The following NYAP1 variants were observed in gnomAD, a reference collection of about 807,000 sequenced individuals.
NYAP1 encodes the protein neuronal tyrosine phosphorylated phosphoinositide-3-kinase adaptor 1, also known as neuronal tyrosine-phosphorylated phosphoinositide-3-kinase adapter 1.
In NYAP1, 20 loss-of-function variants were observed where a neutral mutation model predicts 58.6. The observed-to-expected ratio is 0.34, with a 90% CI of 0.24 to 0.50. NYAP1 has a LOEUF of 0.50. Among genes scored for constraint, NYAP1 ranks in the 20% least tolerant of loss-of-function variants. NYAP1 has a pLI of 0.98. For missense variants in NYAP1, 1,150 were observed against 1,194.5 expected (o/e 0.96, Z 0.55); for synonymous variants, 572 against 523.1 (o/e 1.09, Z -1.27).
Position 100,490,757 on chromosome 7 carries a change from C to G in NYAP1, c.2158+28C>G. The G allele has an allele frequency of 6.8e-7, 1 of 1,462,624 alleles. No individual in the cohort carries two copies. The highest frequency in any genetic ancestry group is 9.1e-7 in the Non-Finnish European group (1 of 1,099,778). The allele number at this position is 1,462,624 out of a possible 1,614,324, so 90.6% of individuals were successfully genotyped here. A position where few individuals can be genotyped will look rare whatever the true frequency, so the allele number is the denominator to read the frequency against. On this transcript the variant is annotated intron_variant, in intron 5 of 6. Transcript: ENST00000300179. The surrounding 1 kb of genome is among the most constrained non-coding windows in gnomAD (Gnocchi z 4.6). The stretch of plus-strand genomic sequence containing the variant: ...GACGCGGCCTGCACACACCTGTGCA[C>G]AGCGGGGCTGGCTGGGGGATCTCCC...
Position 100,488,055 on chromosome 7 carries a change from T to G in NYAP1, c.431-97T>G, listed in dbSNP as rs1481942851. ...TGTGGGGAAAAGGAAGAGGCAGATA[T>G]GTCCTTGCAGAAGGGTCAAGGGATC... On this transcript the variant is annotated intron_variant, in intron 3 of 6. Coordinates refer to ENST00000300179, the MANE Select transcript of NYAP1 (RefSeq NM_173564.4). The surrounding 1 kb of genome is among the most constrained non-coding windows in gnomAD (Gnocchi z 5.9). 1 of 824,056 alleles carries G rather than the reference T, an allele frequency of 1.2e-6. No homozygotes were observed. Among genetic ancestry groups the G allele is most frequent in the African/African-American group, 1.7e-5 (1 of 57,950 alleles). 51.0% of individuals were successfully genotyped at this position (824,056 alleles called of 1,614,324 possible).
rs1799833774 is a variant in NYAP1 at position 100,493,881 on chromosome 7, TCCTCTGGGACACCGC to T, written c.2506_2520del (p.Leu836_Ala840del). 1 of 1,492,166 alleles carries T rather than the reference TCCTCTGGGACACCGC, an allele frequency of 6.7e-7. No homozygotes were observed. Among genetic ancestry groups the T allele is most frequent in the Admixed American group, 2.2e-5 (1 of 45,338 alleles). The allele number at this position is 1,492,166 out of a possible 1,614,324, so 92.4% of individuals were successfully genotyped here. Reference sequence around the variant, plus strand: ...CCGCCCTGCCGCCGGCAGCACACGGTCCTCTGGGACACCGCCATCTGAGGCGGGCGGGGGGGTACC... The same window carrying T: ...CCGCCCTGCCGCCGGCAGCACACGGTCATCTGAGGCGGGCGGGGGGGTACC... On this transcript the variant is annotated inframe_deletion, in exon 7 of 7. Transcript: ENST00000300179.
Position 100,490,943 on chromosome 7 carries a change from C to A in NYAP1, c.2159-43C>A. 3 of 1,305,400 alleles carry A rather than the reference C, an allele frequency of 2.3e-6. No homozygotes were observed. The highest frequency in any genetic ancestry group is 3.2e-6 in the Non-Finnish European group (3 of 933,824). 80.9% of individuals were successfully genotyped at this position (1,305,400 alleles called of 1,614,324 possible). The stretch of plus-strand genomic sequence containing the variant: ...GGGACTGGGAACTAGGGGAGGGGTA[C>A]CTGAGGCCCCTGCACTCCTCACTCC... On this transcript the variant is annotated intron_variant, in intron 5 of 6. Transcript: ENST00000300179. This position sits in a 1 kb window ranked among gnomAD's most constrained non-coding sequence, Gnocchi z 4.6.
rs776883216 is a variant in NYAP1, at chr7:100,488,148, C to T, written c.431-4C>T. 1.9e-6 allele frequency: 3 copies of T among 1,581,378 alleles called. No homozygotes were observed. Among genetic ancestry groups the T allele is most frequent in the African/African-American group, 1.4e-5 (1 of 73,166 alleles). ...TTTATTTTTCTCTTTCTTGTCCTGT[C>T]CAGGCTCACAGAAGCCAACCCCAGA... is the stretch of plus-strand genomic sequence containing the variant. On this transcript the variant is annotated splice_region_variant and splice_polypyrimidine_tract_variant and intron_variant, in intron 3 of 6. Coordinates refer to ENST00000300179, the MANE Select transcript of NYAP1 (RefSeq NM_173564.4). The surrounding 1 kb of genome is among the most constrained non-coding windows in gnomAD (Gnocchi z 5.9).
rs563441494 is a variant in NYAP1, at chr7:100,487,511, T to C, written c.430+329T>C. Among the ~76,000 whole-genome samples the C allele has an allele frequency of 6.6e-6, 1 of 152,272 alleles. No individual in the cohort carries two copies. Among genetic ancestry groups the C allele is most frequent in the South Asian group, 2.1e-4 (1 of 4,828 alleles). On this transcript the variant is annotated intron_variant, in intron 3 of 6. Transcript: ENST00000300179. This position sits in a 1 kb window ranked among gnomAD's most constrained non-coding sequence, Gnocchi z 4.1. The stretch of plus-strand genomic sequence containing the variant: ...CTCACGCCCGTAATCTCAGCACTTT[T>C]TTTTTTTTGAGACAGAGTCTCGCTC...
In NYAP1 at chr7:100,489,680, G is replaced by A; in HGVS notation, c.1945+14G>A. 1 of 1,480,766 alleles carries A rather than the reference G, an allele frequency of 6.8e-7. No individual in the cohort carries two copies. The highest frequency in any genetic ancestry group is 9.0e-7 in the Non-Finnish European group (1 of 1,105,500). 91.7% of individuals were successfully genotyped at this position (1,480,766 alleles called of 1,614,324 possible). On this transcript the variant is annotated intron_variant, in intron 4 of 6. Transcript: ENST00000300179. Reference sequence around the variant, plus strand: ...AGGAGTTGGACAGTGAGTGAGGGGTGGGGAGTGGGGGCTGGCATCAGGGGT... The same window carrying A: ...AGGAGTTGGACAGTGAGTGAGGGGTAGGGAGTGGGGGCTGGCATCAGGGGT...
rs558145623 is a variant in NYAP1, at chr7:100,488,512, T to C, written c.791T>C (p.Met264Thr). 1.2e-6 allele frequency: 2 copies of C among 1,611,604 alleles called. No homozygotes were observed. The highest frequency in any genetic ancestry group is 1.7e-6 in the Non-Finnish European group (2 of 1,179,666). The change falls in exon 4 of 7, where the codon ATG becomes ACG. Residue 264 changes from methionine (M) to threonine (T), a missense_variant. Met to Thr is a moderately conservative substitution (Grantham distance 81). Transcript: ENST00000300179. The surrounding 1 kb of genome is among the most constrained non-coding windows in gnomAD (Gnocchi z 5.9). ...GAGAGTGAGGCCATCTATGAAGAGA[T>C]GAAGTACCCGCTGCCGGAAGAGGCT... ...SEESEAIYEE[M>T]KYPLPEEAGE...
chr7:100,491,043 T>G lies in NYAP1; in HGVS notation c.2216T>G (p.Val739Gly), dbSNP rs1438790498. 1 of 1,559,818 alleles carries G rather than the reference T, an allele frequency of 6.4e-7. No individual in the cohort carries two copies. Among genetic ancestry groups the G allele is most frequent in the Non-Finnish European group, 8.7e-7 (1 of 1,151,764 alleles). The change falls in exon 6 of 7, where the codon GTC (valine) becomes GGC (glycine). Residue 739 changes from valine to glycine, a missense_variant. Val to Gly is a moderately radical substitution (Grantham distance 109, BLOSUM62 -3). Transcript: ENST00000300179. Reference protein sequence around the residue: ...RSASTSGVRQVVLHTPRPCSQ... With the variant: ...RSASTSGVRQGVLHTPRPCSQ... ...GCCTCCACCTCCGGAGTCCGGCAGG[T>G]CGTGCTCCACACACCCCGGCCCTGC...
At position 100,494,044 on chromosome 7, in the gene NYAP1, C is replaced by G; in HGVS notation, c.*141C>G. On this transcript the variant is annotated 3_prime_UTR_variant, in exon 7 of 7. Transcript: ENST00000300179. ...AACCCCTGCCCTCCAACCTACCCCC[C>G]GGGATGGGGAGAGTCTGCCAGGCCC... The G allele has an allele frequency of 1.4e-6, 1 of 729,186 alleles. No homozygotes were observed. Among genetic ancestry groups the G allele is most frequent in the Non-Finnish European group, 2.1e-6 (1 of 482,952 alleles). The allele number at this position is 729,186 out of a possible 1,614,324, so 45.2% of individuals were successfully genotyped here.
At position 100,488,884 on chromosome 7, in the gene NYAP1, C is replaced by T; in HGVS notation, c.1163C>T (p.Pro388Leu). The stretch of plus-strand genomic sequence containing the variant: ...CGGGAGACGCCTCCCCCACCGCCTC[C>T]ACCTCCTGCTGCCAACCTGCTGCTG... Reference protein sequence around the residue: ...RERETPPPPPPPPAANLLLLG... With the variant: ...RERETPPPPPLPPAANLLLLG... The change falls in exon 4 of 7, where the codon CCA (proline) becomes CTA (leucine). Residue 388 changes from proline to leucine, a missense_variant. Physicochemically the swap from Pro to Leu is moderately conservative, Grantham distance 98 (BLOSUM62 -3). Transcript: ENST00000300179. The surrounding 1 kb of genome is among the most constrained non-coding windows in gnomAD (Gnocchi z 5.9). The T allele has an allele frequency of 2.5e-6, 4 of 1,598,940 alleles. No individual in the cohort carries two copies. The highest frequency in any genetic ancestry group is 3.4e-6 in the Non-Finnish European group (4 of 1,175,240).
intron 4 of NYAP1, among the ~76,000 whole-genome samples, 177 bp downstream of exon 4, chr7:100,489,843 C>G (rs1200939047): frequency 6.6e-5 from 10 of 152,002 alleles, no homozygotes; most frequent in African/African-American, 2.4e-4. Flanking sequence ...GACCGGGGTC[C>G]CCCAGTGTGC....
In NYAP1 at chr7:100,485,408, C is replaced by T. The variant is rs1404650476; in HGVS notation, c.68+29C>T. The T allele has an allele frequency of 6.5e-7, 1 of 1,535,466 alleles. No homozygotes were observed. The highest frequency in any genetic ancestry group is 8.9e-7 in the Non-Finnish European group (1 of 1,124,680). On this transcript the variant is annotated intron_variant, in intron 2 of 6. Coordinates refer to ENST00000300179, the MANE Select transcript of NYAP1 (RefSeq NM_173564.4). This position sits in a 1 kb window ranked among gnomAD's most constrained non-coding sequence, Gnocchi z 5.7. ...AGGCTGCACCCCAGACTGCTCCCTT[C>T]CCTTCCGCACCTCTGCCTGCCCCCT...
chr7:100,485,291 C>CCCCACCT lies in NYAP1; in HGVS notation c.-18_-12dup. ...GTGGCACTGAGCAGGGCCCCCCAGC[C>CCCCACCT]CCCACCTCCTGCCCCACGAGATGAA... On this transcript the variant is annotated 5_prime_UTR_variant, in exon 2 of 7. Coordinates refer to ENST00000300179, the MANE Select transcript of NYAP1 (RefSeq NM_173564.4). This position sits in a 1 kb window ranked among gnomAD's most constrained non-coding sequence, Gnocchi z 5.7. 2.6e-6 allele frequency: 4 copies of CCCCACCT among 1,565,048 alleles called. No homozygotes were observed. Among genetic ancestry groups the CCCCACCT allele is most frequent in the Non-Finnish European group, 3.5e-6 (4 of 1,149,748 alleles).
At position 100,487,909 on chromosome 7, in the gene NYAP1, G is replaced by A. The variant is rs1276611201; in HGVS notation, c.431-243G>A. Among the ~76,000 whole-genome samples, 2 of 152,196 alleles carry A rather than the reference G, an allele frequency of 1.3e-5. No homozygotes were observed. The highest frequency in any genetic ancestry group is 2.4e-5 in the African/African-American group (1 of 41,450). ...TGGAATCCTAGCACTTTAGGAGGCCGAGGCAGGAGGATCCCTTGAGCCCAG... is the reference window on the plus strand; with the variant it reads ...TGGAATCCTAGCACTTTAGGAGGCCAAGGCAGGAGGATCCCTTGAGCCCAG... On this transcript the variant is annotated intron_variant, in intron 3 of 6. Transcript: ENST00000300179. The surrounding 1 kb of genome is among the most constrained non-coding windows in gnomAD (Gnocchi z 4.1).
Position 100,489,395 on chromosome 7 carries a change from C to A in NYAP1, c.1674C>A (p.Leu558=). The change falls in exon 4 of 7, where the codon CTC becomes CTA. Residue 558 remains leucine, a synonymous_variant. Coordinates refer to ENST00000300179, the MANE Select transcript of NYAP1 (RefSeq NM_173564.4). ...LWTYPATAAG[L]KRPPAYESLK... ...CCTACCCAGCCACAGCAGCTGGGCTCAAGAGACCCCCTGCCTATGAGAGCC... is the reference window on the plus strand; with the variant it reads ...CCTACCCAGCCACAGCAGCTGGGCTAAAGAGACCCCCTGCCTATGAGAGCC... The A allele has an allele frequency of 6.2e-7, 1 of 1,612,958 alleles. No homozygotes were observed. Among genetic ancestry groups the A allele is most frequent in the Non-Finnish European group, 8.5e-7 (1 of 1,179,964 alleles).
chr7:100,488,898 A>C lies in NYAP1; in HGVS notation c.1177A>C (p.Asn393His). Residue 393 changes from asparagine (N) to histidine (H), a missense_variant, in exon 4 of 7, where the codon AAC (asparagine) becomes CAC (histidine). By Grantham distance (68) the Asn-to-His change is moderately conservative. Coordinates refer to ENST00000300179, the MANE Select transcript of NYAP1 (RefSeq NM_173564.4). The surrounding 1 kb of genome is among the most constrained non-coding windows in gnomAD (Gnocchi z 5.9). Reference protein sequence around the residue: ...PPPPPPPPAANLLLLGPSGRA... With the variant: ...PPPPPPPPAAHLLLLGPSGRA... ...CCCACCGCCTCCACCTCCTGCTGCC[A>C]ACCTGCTGCTGCTGGGACCATCGGG... 6.3e-7 allele frequency: 1 copy of C among 1,598,156 alleles called. No homozygotes were observed.
At position 100,493,814 on chromosome 7, in the gene NYAP1, C is replaced by G; in HGVS notation, c.2437C>G (p.Pro813Ala). The change falls in exon 7 of 7, where the codon CCC (proline) becomes GCC (alanine). Residue 813 changes from proline (P) to alanine (A), a missense_variant. Physicochemically the swap from Pro to Ala is conservative, Grantham distance 27. Coordinates refer to ENST00000300179, the MANE Select transcript of NYAP1 (RefSeq NM_173564.4). Reference protein sequence around the residue: ...LCKQESMPILPSWRRGPEPRK... With the variant: ...LCKQESMPILASWRRGPEPRK... The stretch of plus-strand genomic sequence containing the variant: ...CAAGCAGGAGAGCATGCCCATCCTC[C>G]CCAGCTGGCGGCGGGGACCCGAGCC... The G allele has an allele frequency of 6.3e-7, 1 of 1,589,434 alleles. No homozygotes were observed. The highest frequency in any genetic ancestry group is 8.5e-7 in the Non-Finnish European group (1 of 1,171,566).
Position 100,493,770 on chromosome 7 carries a change from G to A in NYAP1, c.2393G>A (p.Arg798His), listed in dbSNP as rs1303286191. ...CVCKEIKARH[R>H]PDRGLCKQES... ...TGCAAGGAGATCAAGGCGCGCCACC[G>A]CCCGGACCGAGGCCTCTGCAAGCAG... is the stretch of plus-strand genomic sequence containing the variant. The change falls in exon 7 of 7, where the codon CGC becomes CAC. Residue 798 changes from arginine (R) to histidine (H), a missense_variant. Coordinates refer to ENST00000300179, the MANE Select transcript of NYAP1 (RefSeq NM_173564.4). 6.2e-7 allele frequency: 1 copy of A among 1,605,606 alleles called. No homozygotes were observed. Among genetic ancestry groups the A allele is most frequent in the Admixed American group, 1.7e-5 (1 of 59,650 alleles).
chr7:100,485,271 A>G lies in NYAP1; in HGVS notation c.-41A>G, dbSNP rs1358242682. ...AGGGCCGCCCCCCGGGCCTGGTGGC[A>G]CTGAGCAGGGCCCCCCAGCCCCCAC... On this transcript the variant is annotated 5_prime_UTR_variant, in exon 2 of 7. Coordinates refer to ENST00000300179, the MANE Select transcript of NYAP1 (RefSeq NM_173564.4). The surrounding 1 kb of genome is among the most constrained non-coding windows in gnomAD (Gnocchi z 5.7). 2.2e-6 allele frequency: 3 copies of G among 1,387,042 alleles called. No homozygotes were observed. The highest frequency in any genetic ancestry group is 2.5e-5 in the South Asian group (2 of 81,528). The allele number at this position is 1,387,042 out of a possible 1,614,324, so 85.9% of individuals were successfully genotyped here. A position where few individuals can be genotyped will look rare whatever the true frequency, so the allele number is the denominator to read the frequency against.
Sources: gnomAD v4.1 joint callset for allele counts (sites outside exome capture counted in the v4.1 genomes callset) on GRCh38, gnomAD v4.1.1 for gene constraint, Gnocchi (gnomAD v3.1) non-coding constraint, MANE v1.5 for transcripts, NCBI Gene and HGNC (gene_info 2026-07-23, HGNC 2026-07-21) for gene names.